VPS26A: variants seen among roughly 807,000 people sequenced by gnomAD.
VPS26A encodes vacuolar protein sorting-associated protein 26A.
Under a neutral mutation model 42.4 loss-of-function variants are expected in VPS26A, and 22 were observed. That is an observed-to-expected ratio of 0.52 (90% CI 0.37 to 0.74). VPS26A has a LOEUF of 0.74. Among genes scored for constraint, VPS26A ranks in the 30% least tolerant of loss-of-function variants. The pLI, the probability that VPS26A is intolerant of heterozygous loss-of-function variation, is 0.00. For synonymous variants in VPS26A, 110 were observed against 123.5 expected (o/e 0.89, Z 0.73); for missense variants, 276 against 379.2 (o/e 0.73, Z 2.26).
chr10:69,132,752 G>A, intron 1 of VPS26A, 146 bp from the exon 2 acceptor site: 1 of 843,258 alleles, frequency 1.2e-6, no homozygotes, highest in East Asian at 3.0e-5. Context: ...CTTTGATGTA[G>A]CATTTGATAT....
intron 2 of VPS26A, among the ~76,000 whole-genome samples, chr10:69,149,286 C>A (rs1399116446): frequency 6.6e-6 from 1 of 152,134 alleles, no homozygotes; most frequent in Non-Finnish European, 1.5e-5. Context: ...TACAACTACA[C>A]TTTTGTGGTC....
intron 1 of VPS26A, among the ~76,000 whole-genome samples, chr10:69,129,245 C>G (rs1010117377): frequency 6.6e-6 from 1 of 152,112 alleles, no homozygotes; most frequent in Non-Finnish European, 1.5e-5. Flanking sequence ...CCTGCTAGCT[C>G]AGCACATATT....
intron 6 of VPS26A, among the ~76,000 whole-genome samples, chr10:69,162,810 T>C (rs1464817474): frequency 3.3e-5 from 5 of 152,214 alleles, no homozygotes; most frequent in Admixed American, 6.5e-5. Flanking sequence ...TCATAGGTAA[T>C]ATGTTTATTA....
At chr10:69,142,127 C>T (rs2132203462) in intron 2 of VPS26A, among the ~76,000 whole-genome samples, 1 of 151,538 alleles carries the variant, frequency 6.6e-6, no homozygotes, top group Admixed American at 6.6e-5. Flanking sequence ...TCATGATCTG[C>T]CTGCCTCAGC....
chr10:69,133,184 A>G, intron 2 of VPS26A, 137 bp downstream of exon 2: 1 of 879,404 alleles, frequency 1.1e-6, no homozygotes, highest in East Asian at 3.0e-5. Flanking sequence ...CAGCTAAAAT[A>G]TTTGATTGAT....
chr10:69,135,780 A>C (rs1840893965), intron 2 of VPS26A, among the ~76,000 whole-genome samples: 1 of 151,914 alleles, frequency 6.6e-6, no homozygotes, highest in Admixed American at 6.6e-5. Flanking sequence ...TTATTGAAAA[A>C]ACACGTGTAG....
chr10:69,133,091 G>A, intron 2 of VPS26A, 44 bp downstream of exon 2: 5 of 1,574,358 alleles, frequency 3.2e-6, no homozygotes, highest in Non-Finnish European at 4.3e-6. Flanking sequence ...TAAGATATCA[G>A]AATTAGTTAT....
chr10:69,162,205 G>T (rs1374734051), intron 5 of VPS26A, among the ~76,000 whole-genome samples: 1 of 152,048 alleles, frequency 6.6e-6, no homozygotes, highest in Non-Finnish European at 1.5e-5. Context: ...GGCCAGGATG[G>T]TCTTGAACTC....
chr10:69,131,322 T>C (rs1269774488), intron 1 of VPS26A, among the ~76,000 whole-genome samples: 1 of 152,212 alleles, frequency 6.6e-6, no homozygotes, highest in Non-Finnish European at 1.5e-5. Context: ...GTGCAGTGGC[T>C]CACGCCCATA....
In VPS26A at chr10:69,124,198, C is replaced by G. The variant is rs373023011; in HGVS notation, c.-80C>G. 53 of 1,259,820 alleles carry G rather than the reference C, an allele frequency of 4.2e-5. No individual in the cohort carries two copies. The East Asian group carries it at 4.3e-4, about 10-fold the overall frequency. 78.0% of individuals were successfully genotyped at this position (1,259,820 alleles called of 1,614,324 possible). On this transcript the variant is annotated 5_prime_UTR_variant, in exon 1 of 9. Transcript: ENST00000263559. ...GGCCCGAGGTCACGTGACGGAGCGCCGGAGCGGAGGGAGCCGGGGCTGGGA... is the reference window on the plus strand; with the variant it reads ...GGCCCGAGGTCACGTGACGGAGCGCGGGAGCGGAGGGAGCCGGGGCTGGGA...
chr10:69,160,495 C>A (rs7894425), intron 5 of VPS26A, among the ~76,000 whole-genome samples: 6,224 of 137,202 alleles, frequency 0.045, 457 homozygotes, highest in African/African-American at 0.16. Context: ...TCTGTCGTCC[C>A]GTCTGGAGTG....
At chr10:69,169,616 G>GTT (rs1205896254) in intron 8 of VPS26A, among the ~76,000 whole-genome samples, 1 of 140,140 alleles carries the variant, frequency 7.1e-6, no homozygotes. Flanking sequence ...TTTTTTTTAA[G>GTT]TTTTTTTTTT....
At chr10:69,140,135 A>G (rs1218793489) in intron 2 of VPS26A, among the ~76,000 whole-genome samples, 1 of 151,346 alleles carries the variant, frequency 6.6e-6, no homozygotes, top group Non-Finnish European at 1.5e-5. Context: ...TGGCATGACT[A>G]TGGCTCACTG....
chr10:69,167,643 T>G (rs10998616), intron 7 of VPS26A, among the ~76,000 whole-genome samples: 8,582 of 147,122 alleles, frequency 0.058, 281 homozygotes, highest in South Asian at 0.13. Context: ...CTCGGGAGGC[T>G]GAGGCAGGAG....
At chr10:69,158,332 G>A in intron 5 of VPS26A, 121 bp downstream of exon 5, 2 of 853,806 alleles carry the variant, frequency 2.3e-6, no homozygotes, top group Non-Finnish European at 3.3e-6. Flanking sequence ...AAATCAACAG[G>A]ATCTCTGAGC....
chr10:69,125,160 A>G (rs1441860224), intron 1 of VPS26A, among the ~76,000 whole-genome samples: 1 of 152,156 alleles, frequency 6.6e-6, no homozygotes, highest in Non-Finnish European at 1.5e-5. Context: ...GCTCTTCCCA[A>G]AGCTCACTGA....
Position 69,124,185 on chromosome 10 carries a change from C to T in VPS26A, c.-93C>T, listed in dbSNP as rs954890375. Reference sequence around the variant, plus strand: ...ACGTGTGAGGGGCGGCCCGAGGTCACGTGACGGAGCGCCGGAGCGGAGGGA... The same window carrying T: ...ACGTGTGAGGGGCGGCCCGAGGTCATGTGACGGAGCGCCGGAGCGGAGGGA... On this transcript the variant is annotated 5_prime_UTR_variant, in exon 1 of 9. The change creates a new upstream start codon in the 5' untranslated region. Transcript: ENST00000263559. The T allele has an allele frequency of 3.2e-6, 4 of 1,241,508 alleles. No individual in the cohort carries two copies. The highest frequency in any genetic ancestry group is 4.1e-6 in the Non-Finnish European group (4 of 981,608). 76.9% of individuals were successfully genotyped at this position (1,241,508 alleles called of 1,614,324 possible).
At chr10:69,150,626 T>A (rs1841282689) in intron 2 of VPS26A, among the ~76,000 whole-genome samples, 1 of 145,738 alleles carries the variant, frequency 6.9e-6, no homozygotes, top group Non-Finnish European at 1.5e-5. Context: ...CTAGATCTCC[T>A]GACCTCATGA....
At position 69,174,089 on chromosome 10, in the gene VPS26A, G is replaced by A. The variant is rs1296807318; in HGVS notation, c.*2820G>A. 1.3e-5 allele frequency among the ~76,000 whole-genome samples: 2 copies of A among 152,212 alleles called. No individual in the cohort carries two copies. Among genetic ancestry groups the A allele is most frequent in the Non-Finnish European group, 2.9e-5 (2 of 68,040 alleles). On this transcript the variant is annotated 3_prime_UTR_variant, in exon 9 of 9. Coordinates refer to ENST00000263559, the MANE Select transcript of VPS26A (RefSeq NM_004896.5). ...ACCCCCCAGCCAGCAGCGGCAACCG[G>A]CTCGGGTCCCCCTCCATACTGTGGA...
Sources: gnomAD v4.1 joint callset for allele counts (sites outside exome capture counted in the v4.1 genomes callset) on GRCh38, gnomAD v4.1.1 for gene constraint, MANE v1.5 for transcripts, NCBI Gene and HGNC (gene_info 2026-07-23, HGNC 2026-07-21) for gene names.